The following ADGRE3 variants were observed in gnomAD, a reference collection of about 807,000 sequenced individuals.
ADGRE3 encodes the protein EGF-like module receptor 3.
Under a neutral mutation model 80.1 loss-of-function variants are expected in ADGRE3, and 88 were observed. The ratio of observed to expected loss-of-function variants is 1.10; its 90% CI spans 0.93 to 1.31. ADGRE3 has a LOEUF of 1.31. ADGRE3 is among the 40% of genes most tolerant of loss of function. The pLI is 0.00. For synonymous variants in ADGRE3, 281 were observed against 294.8 expected, an observed-to-expected ratio of 0.95 and a Z score of 0.48; for missense variants, 715 against 776.5, an observed-to-expected ratio of 0.92 and a Z score of 0.94.
chr19:14,668,728 C>T, intron 2 of ADGRE3, 74 bp downstream of exon 2: 2 of 1,257,028 alleles, frequency 1.6e-6, no homozygotes, highest in Non-Finnish European at 2.3e-6. Context: ...TTTCTCCAGC[C>T]CACTGGAGAC....
chr19:14,671,665 A>C (rs1972260993), intron 1 of ADGRE3, among the ~76,000 whole-genome samples: 1 of 152,174 alleles, frequency 6.6e-6, no homozygotes, highest in Non-Finnish European at 1.5e-5. Context: ...AGAAGATGCC[A>C]GGTCTGGTTT....
At chr19:14,670,576 C>T (rs1026049670) in intron 1 of ADGRE3, among the ~76,000 whole-genome samples, 4 of 152,250 alleles carry the variant, frequency 2.6e-5, no homozygotes, top group South Asian at 4.1e-4. Context: ...GTAAAGAGCC[C>T]TTTGCTCTTC....
At chr19:14,616,582 G>T (rs2075076342), downstream of ADGRE3, among the ~76,000 whole-genome samples, 1 of 151,012 alleles carries the variant, frequency 6.6e-6, no homozygotes, top group Non-Finnish European at 1.5e-5. Flanking sequence ...GCTTCAAGAA[G>T]AAAAAAAATG....
At chr19:14,662,167 G>A (rs1383255946) in intron 3 of ADGRE3, 49 bp from the exon 4 acceptor site, 8 of 1,589,378 alleles carry the variant, frequency 5.0e-6, no homozygotes, top group Non-Finnish European at 6.9e-6. Flanking sequence ...AAGATTTATT[G>A]AGCAGCTACT....
the ADGRE3 span, among the ~76,000 whole-genome samples, chr19:14,613,206 G>A: frequency 1.9e-4 from 29 of 150,384 alleles, no homozygotes; most frequent in East Asian, 1.6e-3. Flanking sequence ...GATTACAGGC[G>A]TGAGCCACCA....
the ADGRE3 span, among the ~76,000 whole-genome samples, chr19:14,612,587 G>C: frequency 6.6e-6 from 1 of 151,942 alleles, no homozygotes; most frequent in Non-Finnish European, 1.5e-5. Context: ...TGCCCACCTT[G>C]GTCCCCCAAA....
intron 14 of ADGRE3, among the ~76,000 whole-genome samples, chr19:14,626,753 T>C (rs1970746754): frequency 6.6e-6 from 1 of 152,170 alleles, no homozygotes; most frequent in Non-Finnish European, 1.5e-5. Context: ...AATCTGGGGC[T>C]CAGCCCCATT....
chr19:14,646,186 G>A (rs139289953), intron 8 of ADGRE3, among the ~76,000 whole-genome samples: 220 of 151,836 alleles, frequency 1.4e-3, no homozygotes, highest in African/African-American at 5.2e-3. Flanking sequence ...GCAGTGGCGC[G>A]ATCTTGGCTC....
rs757917921 is a variant in ADGRE3 at position 14,641,475 on chromosome 19, A to G, written c.1192T>C (p.Cys398Arg). The change falls in exon 10 of 16, where the codon TGC (cysteine) becomes CGC (arginine). Residue 398 changes from cysteine (C) to arginine (R), a missense_variant. By Grantham distance (180) the Cys-to-Arg change is radical. Transcript: ENST00000253673. ...STSLHLQLSL[C>R]LFLAHLLFLV... ...AAGAGGAGGTGGGCCAGGAAGAGGCAGAGCGAGAGCTGCAGATGCAGTGAG... is the reference window on the plus strand; with the variant it reads ...AAGAGGAGGTGGGCCAGGAAGAGGCGGAGCGAGAGCTGCAGATGCAGTGAG... 1.9e-6 allele frequency: 3 copies of G among 1,614,078 alleles called. No individual in the cohort carries two copies. Among genetic ancestry groups the G allele is most frequent in the Admixed American group, 1.7e-5 (1 of 59,994 alleles).
chr19:14,633,319 A>G lies in ADGRE3; in HGVS notation c.1485-17T>C, dbSNP rs745334587. 1 of 1,580,500 alleles carries G rather than the reference A, an allele frequency of 6.3e-7. No homozygotes were observed. The highest frequency in any genetic ancestry group is 1.3e-5 in the African/African-American group (1 of 74,142). On this transcript the variant is annotated splice_polypyrimidine_tract_variant and intron_variant, in intron 11 of 15. Transcript: ENST00000253673. Reference sequence around the variant, plus strand: ...AGCCAGCATCTAGGAACAGTGGGAAAAGAGATACAAAGAGAGATCAGAGAA... The same window carrying G: ...AGCCAGCATCTAGGAACAGTGGGAAGAGAGATACAAAGAGAGATCAGAGAA...
chr19:14,659,937 C>G (rs1171531721), intron 4 of ADGRE3, among the ~76,000 whole-genome samples: 2 of 150,744 alleles, frequency 1.3e-5, no homozygotes, highest in Non-Finnish European at 2.9e-5. Flanking sequence ...GTTTTCAGCT[C>G]AGTCTATTTG....
intron 13 of ADGRE3, among the ~76,000 whole-genome samples, chr19:14,632,026 A>T (rs1019179054): frequency 4.6e-5 from 7 of 152,238 alleles, no homozygotes; most frequent in African/African-American, 1.7e-4. Flanking sequence ...GCAACATAAA[A>T]ATACTCATAC....
In ADGRE3 at chr19:14,655,100, C is replaced by A. The variant is rs1479974116; in HGVS notation, c.459G>T (p.Gly153=). 6.2e-7 allele frequency: 1 copy of A among 1,614,078 alleles called. No individual in the cohort carries two copies. The highest frequency in any genetic ancestry group is 2.2e-5 in the East Asian group (1 of 44,872). ...TAGCTGTGGATGAGATTTCTTGTCTCCCTTCTGTTCTCCATAAAGTCTGAT... is the reference window on the plus strand; with the variant it reads ...TAGCTGTGGATGAGATTTCTTGTCTACCTTCTGTTCTCCATAAAGTCTGAT... ...LTNQTLWRTE[G]RQEISSTATT... The change falls in exon 6 of 16, where the codon GGG becomes GGT. Residue 153 remains glycine, a synonymous_variant. Transcript: ENST00000253673.
chr19:14,627,213 C>T (rs1300539487), intron 14 of ADGRE3, among the ~76,000 whole-genome samples: 1 of 152,106 alleles, frequency 6.6e-6, no homozygotes, highest in Non-Finnish European at 1.5e-5. Flanking sequence ...AGCATTTCCC[C>T]AGACATTGCT....
intron 6 of ADGRE3, among the ~76,000 whole-genome samples, chr19:14,652,443 A>T (rs1417698035): frequency 6.9e-6 from 1 of 144,376 alleles, no homozygotes; most frequent in East Asian, 2.0e-4. Context: ...TTAAAAGGTT[A>T]AAAAAAAAAA....
At position 14,619,458 on chromosome 19, in the gene ADGRE3, G is replaced by A; in HGVS notation, c.1934C>T (p.Pro645Leu). The A allele has an allele frequency of 6.3e-7, 1 of 1,594,886 alleles. No individual in the cohort carries two copies. The highest frequency in any genetic ancestry group is 2.2e-5 in the East Asian group (1 of 44,746). ...DSKPSEGDVF[P>L]GQVKRKY ...TTAATATTTTCTCTTCACTTGTCCT[G>A]GAAAAACATCCCCCTATAAAAGAGG... Residue 645 changes from proline (P) to leucine (L), a missense_variant, in exon 16 of 16, where the codon CCA (proline) becomes CTA (leucine). Physicochemically the swap from Pro to Leu is moderately conservative, Grantham distance 98 (BLOSUM62 -3). Transcript: ENST00000253673.
chr19:14,606,953 T>C, the ADGRE3 span: 692 of 1,088,612 alleles, frequency 6.4e-4, 4 homozygotes, highest in African/African-American at 6.9e-3. Flanking sequence ...CTGAGGGTCA[T>C]GTAGAGGAAT....
chr19:14,636,149 T>TCTTCCTTCCTTC (rs1555755846), intron 11 of ADGRE3, among the ~76,000 whole-genome samples: 4,364 of 40,504 alleles, frequency 0.11, 1,048 homozygotes, highest in Middle Eastern at 0.14. Context: ...TTTCTTTCTT[T>TCTTCCTTCCTTC]CTTCCTTTCC....
intron 3 of ADGRE3, 136 bp downstream of exon 3, chr19:14,663,282 C>T (rs989717208): frequency 2.9e-5 from 11 of 378,454 alleles, no homozygotes; most frequent in Non-Finnish European, 4.3e-5. Context: ...GGATTACAGG[C>T]TTGAGCAACT....
Sources: gnomAD v4.1 joint callset for allele counts (sites outside exome capture counted in the v4.1 genomes callset) on GRCh38, gnomAD v4.1.1 for gene constraint, MANE v1.5 for transcripts, NCBI Gene and HGNC (gene_info 2026-07-23, HGNC 2026-07-21) for gene names.